Variants in SBF2 observed in about 807,000 individuals in gnomAD.
The protein encoded by SBF2 is SET binding factor 2, also known as myotubularin-related protein 13.
In SBF2, 112 loss-of-function variants were observed where a neutral mutation model predicts 225.2. The ratio of observed to expected loss-of-function variants is 0.50; its 90% CI spans 0.43 to 0.58. The LOEUF (loss-of-function observed/expected upper bound fraction) is 0.58. Among genes scored for constraint, SBF2 ranks in the 20% least tolerant of loss-of-function variants. The pLI is 0.00. For synonymous variants in SBF2, 763 were observed against 773.3 expected (o/e 0.99, Z 0.22); for missense variants, 1,996 against 2,206.2 (o/e 0.90, Z 1.91).
At chr11:9,828,721 A>AT (rs1855208476) in intron 28 of SBF2, 1 of 779,628 alleles carries the variant, frequency 1.3e-6, no homozygotes, top group South Asian at 5.8e-5. Flanking sequence ...GGCTGCAGAT[A>AT]TTTTGGGAAT....
chr11:10,274,462 A>G (rs533529812), intron 1 of SBF2, among the ~76,000 whole-genome samples: 10 of 152,278 alleles, frequency 6.6e-5, no homozygotes, highest in African/African-American at 2.4e-4. Context: ...AGAGAATTAT[A>G]AAGTTTCAGC....
intron 6 of SBF2, among the ~76,000 whole-genome samples, chr11:10,010,671 T>C (rs1163057940): frequency 6.6e-6 from 1 of 152,244 alleles, no homozygotes; most frequent in Non-Finnish European, 1.5e-5. Flanking sequence ...TCAGGTAGCA[T>C]GATGTCTCCA....
chr11:9,885,983 A>G (rs1158983747), intron 17 of SBF2, among the ~76,000 whole-genome samples: 1 of 152,122 alleles, frequency 6.6e-6, no homozygotes, highest in Non-Finnish European at 1.5e-5. Context: ...TCAGAATTAG[A>G]AGAGAGGGCA....
intron 3 of SBF2, among the ~76,000 whole-genome samples, chr11:10,032,622 T>A (rs1949301124): frequency 6.6e-6 from 1 of 152,244 alleles, no homozygotes; most frequent in African/African-American, 2.4e-5. Flanking sequence ...CTCTACCCAC[T>A]TTCTCTGCTT....
intron 17 of SBF2, among the ~76,000 whole-genome samples, chr11:9,869,507 C>A (rs2134043362): frequency 6.6e-6 from 1 of 152,192 alleles, no homozygotes; most frequent in South Asian, 2.1e-4. Flanking sequence ...TTAGTAGAGA[C>A]AGGGTTTCGC....
At chr11:9,970,216 T>G (rs1296220590) in intron 13 of SBF2, among the ~76,000 whole-genome samples, 1 of 152,056 alleles carries the variant, frequency 6.6e-6, no homozygotes. Context: ...TCCTATTTTT[T>G]TTTTTTTTTA....
chr11:10,293,985 C>T, intron 1 of SBF2, 30 bp downstream of exon 1: 1 of 1,320,704 alleles, frequency 7.6e-7, no homozygotes. Flanking sequence ...GGCGGGGAGG[C>T]CCGGGGGCGG....
intron 16 of SBF2, among the ~76,000 whole-genome samples, chr11:9,905,603 G>C (rs1343551333): frequency 1.3e-5 from 2 of 152,256 alleles, no homozygotes; most frequent in East Asian, 3.9e-4. Context: ...GGCTGAATAA[G>C]ATACATCCTT....
intron 2 of SBF2, among the ~76,000 whole-genome samples, chr11:10,120,540 C>G (rs1404797874): frequency 4.6e-5 from 7 of 152,160 alleles, no homozygotes; most frequent in Admixed American, 1.3e-4. Flanking sequence ...AATGGCTGTA[C>G]CATGTTACAT....
intron 38 of SBF2, among the ~76,000 whole-genome samples, chr11:9,781,959 C>T (rs570207949): frequency 3.9e-5 from 6 of 151,998 alleles, no homozygotes; most frequent in South Asian, 2.1e-4. Flanking sequence ...TGAAGGTGGA[C>T]GGATCACTTA....
At chr11:10,262,254 T>C (rs1056506023) in intron 1 of SBF2, among the ~76,000 whole-genome samples, 4 of 152,164 alleles carry the variant, frequency 2.6e-5, no homozygotes, top group African/African-American at 7.2e-5. Flanking sequence ...GAGTAATATA[T>C]GATAAAACAG....
Position 9,949,719 on chromosome 11 carries a change from T to C in SBF2, c.1860+12238A>G, listed in dbSNP as rs140577917. ...TTCATAAGAAAAAGGGGCTTTTTTT[T>C]CCTTTCTTTATATTGTATCTATCTG... On this transcript the variant is annotated intron_variant, in intron 16 of 39. Coordinates refer to ENST00000256190, the MANE Select transcript of SBF2 (RefSeq NM_030962.4). Among the ~76,000 whole-genome samples the C allele has an allele frequency of 5.3e-4, 80 of 152,260 alleles. No individual in the cohort carries two copies. The East Asian group carries it at 0.014, about 28-fold the overall frequency.
intron 35 of SBF2, 107 bp from the exon 36 acceptor site, chr11:9,787,845 G>T (rs1165581007): frequency 1.1e-6 from 1 of 920,298 alleles, no homozygotes; most frequent in African/African-American, 1.6e-5. Context: ...ATGGCCAGAG[G>T]GCAGTTGAGG....
intron 1 of SBF2, among the ~76,000 whole-genome samples, chr11:10,271,723 T>C (rs1962504719): frequency 1.7e-5 from 2 of 117,754 alleles, no homozygotes; most frequent in Non-Finnish European, 4.0e-5. Flanking sequence ...GAAACATACA[T>C]GATATTCCAG....
At chr11:9,858,095 A>T in intron 18 of SBF2, 131 bp downstream of exon 18, 1 of 916,884 alleles carries the variant, frequency 1.1e-6, no homozygotes, top group South Asian at 1.3e-5. Context: ...AAGATATCAC[A>T]GGGCTCCCTA....
intron 26 of SBF2, among the ~76,000 whole-genome samples, chr11:9,833,705 C>T (rs901680051): frequency 6.6e-6 from 1 of 151,896 alleles, no homozygotes; most frequent in Admixed American, 6.6e-5. Context: ...CAGGCATGAG[C>T]CACCGTGCCC....
rs1324409129 is a variant in SBF2, at chr11:9,789,207, C to G, written c.4834G>C (p.Ala1612Pro). The G allele has an allele frequency of 6.2e-7, 1 of 1,614,156 alleles. No homozygotes were observed. Among genetic ancestry groups the G allele is most frequent in the South Asian group, 1.1e-5 (1 of 91,070 alleles). ...KHFPSEDSDL[A>P]GEAGPRSQRR... is the part of the protein sequence containing the mutation. ...TGGCTCCGTGGCCCAGCTTCTCCAG[C>G]CAGGTCAGAGTCTTCGGAGGGGAAG... The change falls in exon 35 of 40, where the codon GCT (alanine) becomes CCT (proline). Residue 1612 changes from alanine (A) to proline (P), a missense_variant. Coordinates refer to ENST00000256190, the MANE Select transcript of SBF2 (RefSeq NM_030962.4).
chr11:10,171,244 TC>T (rs1489623223), intron 2 of SBF2, among the ~76,000 whole-genome samples: 1 of 152,164 alleles, frequency 6.6e-6, no homozygotes, highest in African/African-American at 2.4e-5. Context: ...CTTTCAGTTT[TC>T]CCCCCATTCA....
chr11:10,216,726 C>T (rs995299960), intron 1 of SBF2, among the ~76,000 whole-genome samples: 5 of 151,836 alleles, frequency 3.3e-5, no homozygotes, highest in Admixed American at 2.0e-4. Flanking sequence ...AAAAACTAGC[C>T]GGGTGTGGTG....
Sources: allele counts gnomAD v4.1 joint callset (sites outside exome capture counted in the v4.1 genomes callset), GRCh38; gene constraint gnomAD v4.1.1; transcripts MANE v1.5; gene names NCBI Gene and HGNC (gene_info 2026-07-23, HGNC 2026-07-21).